The following ZNF44 variants were observed in gnomAD, a reference collection of about 807,000 sequenced individuals.
The protein encoded by ZNF44 is zinc finger protein 44.
ZNF44 carries 9 observed loss-of-function variants against 11.7 expected under a neutral mutation model. The observed-to-expected ratio is 0.77, with a 90% CI of 0.46 to 1.35. ZNF44 has a LOEUF of 1.35. Ranked by LOEUF, ZNF44 falls within the 40% of genes most tolerant of loss-of-function variation. ZNF44 has a pLI of 0.00. For missense variants in ZNF44, 696 were observed against 743.1 expected (o/e 0.94, Z 0.74); for synonymous variants, 224 against 242.7 (o/e 0.92, Z 0.72).
chr19:12,271,714 C>A (rs930008345), downstream of ZNF44: 1 of 152,152 alleles, frequency 6.6e-6, no homozygotes, highest in Non-Finnish European at 1.5e-5. Flanking sequence ...GTGATATATA[C>A]GATGTAGATA....
At chr19:12,269,285 G>A (rs1172490372), downstream of ZNF44, among the ~76,000 whole-genome samples, 1 of 152,176 alleles carries the variant, frequency 6.6e-6, no homozygotes, top group Non-Finnish European at 1.5e-5. Context: ...AGCACTTTGG[G>A]AGGCCAAGGC....
chr19:12,251,597 T>G (rs1916998860), intron 5 of ZNF44, among the ~76,000 whole-genome samples: 1 of 152,156 alleles, frequency 6.6e-6, no homozygotes, highest in African/African-American at 2.4e-5. Context: ...GCATGACAAC[T>G]TTAGATAAAA....
intron 5 of ZNF44, chr19:12,260,312 C>A: frequency 1.2e-6 from 1 of 868,476 alleles, no homozygotes; most frequent in Non-Finnish European, 1.9e-6. Context: ...TGGTGGTGGT[C>A]ACGAAGCAGA....
rs145891891 is a variant in ZNF44 at position 12,258,331 on chromosome 19, C to CAAA, written c.1913-7966_1913-7964dup. 2.9e-4 allele frequency among the ~76,000 whole-genome samples: 12 copies of CAAA among 41,018 alleles called. 1 individual carries two copies. Among genetic ancestry groups the CAAA allele is most frequent in the Non-Finnish European group, 3.9e-4 (9 of 23,002 alleles). The allele number at this position is 41,018 out of a possible 152,430, so 26.9% of individuals were successfully genotyped here. A position where few individuals can be genotyped will look rare whatever the true frequency, so the allele number is the denominator to read the frequency against. On this transcript the variant is annotated intron_variant and NMD_transcript_variant, in intron 5 of 7. Transcript: ENST00000393337. ...TGGGCAACAGAGTGAGATCTTGTCT[C>CAAA]AAAAAAAAAAAAAAAAAAAAAAAAA... is the stretch of plus-strand genomic sequence containing the variant.
At chr19:12,266,160 TG>T in intron 5 of ZNF44, 1 of 729,620 alleles carries the variant, frequency 1.4e-6, no homozygotes, top group Non-Finnish European at 1.7e-6. Context: ...AGCTGTGCCA[TG>T]GGGACTAGAG....
intron 1 of ZNF44, chr19:12,284,768 C>G (rs574832239): frequency 9.2e-6 from 9 of 979,262 alleles, no homozygotes; most frequent in East Asian, 2.6e-5. Flanking sequence ...GCGGGGCCAT[C>G]ATCCTGGCCA....
chr19:12,272,721 CTT>C lies in ZNF44; in HGVS notation c.1532_1533del (p.Lys511SerfsTer12). On this transcript the variant is annotated frameshift_variant, in exon 4 of 4. Transcript: ENST00000355684. LOFTEE classifies it low-confidence loss of function (END_TRUNC). ...EKSYECQICGKAFSRFSYLKT... is the reference protein window; with the variant it reads ...EKSYECQICGXAFSRFSYLKT... ...TTTAAGTAACTGAAACGACTGAAGG[CTT>C]TGCCACAAATTTGACACTCATAAGA... The C allele has an allele frequency of 6.2e-7, 1 of 1,613,592 alleles. No individual in the cohort carries two copies. Among genetic ancestry groups the C allele is most frequent in the South Asian group, 1.1e-5 (1 of 91,068 alleles).
chr19:12,242,897 A>G (rs888909064), downstream of ZNF44: 1 of 152,114 alleles, frequency 6.6e-6, no homozygotes, highest in Non-Finnish European at 1.5e-5. Flanking sequence ...ACTAGAAAGG[A>G]AAACAACAAT....
chr19:12,258,334 A>C (rs1373376421), intron 5 of ZNF44, among the ~76,000 whole-genome samples: 2 of 72,798 alleles, frequency 2.7e-5, no homozygotes, highest in Non-Finnish European at 5.6e-5. Context: ...CTTGTCTCAA[A>C]AAAAAAAAAA....
chr19:12,247,382 CAT>C (rs1916797774), downstream of ZNF44: 1 of 1,303,352 alleles, frequency 7.7e-7, no homozygotes. Flanking sequence ...TGTGCATTCT[CAT>C]GTGCACTCGA....
intron 1 of ZNF44, among the ~76,000 whole-genome samples, chr19:12,281,849 T>G (rs543543082): frequency 6.6e-6 from 1 of 152,258 alleles, no homozygotes; most frequent in Admixed American, 6.5e-5. Context: ...CTAAGTAATA[T>G]GAATAGGCCT....
rs183325705 is a variant in ZNF44, at chr19:12,276,928, C to T, written c.4-846G>A. Reference sequence around the variant, plus strand: ...TGCCCTGTACCACCCAGGGACTCTACAGAGTCCCCATCAGCAAGAAGATTC... The same window carrying T: ...TGCCCTGTACCACCCAGGGACTCTATAGAGTCCCCATCAGCAAGAAGATTC... On this transcript the variant is annotated intron_variant, in intron 1 of 3. Transcript: ENST00000355684. Among the ~76,000 whole-genome samples, 3 of 152,274 alleles carry T rather than the reference C, an allele frequency of 2.0e-5. No individual in the cohort carries two copies. In the East Asian group the frequency reaches 5.8e-4, roughly 29 times the overall value.
chr19:12,273,506 TC>T lies in ZNF44; in HGVS notation c.748del (p.Glu250ArgfsTer20). 6.2e-7 allele frequency: 1 copy of T among 1,614,148 alleles called. No individual in the cohort carries two copies. The highest frequency in any genetic ancestry group is 2.2e-5 in the East Asian group (1 of 44,854). ...ACACTGCTTACATTCATACGGTTTC[TC>T]CCCAGTGTGTATTTTTTCATGTCTT... ...YLRHEKIHTG[E>X]KPYECKQCSK... is the part of the protein sequence containing the mutation. On this transcript the variant is annotated frameshift_variant, in exon 4 of 4. Transcript: ENST00000355684. LOFTEE classifies it low-confidence loss of function (END_TRUNC).
At chr19:12,289,075 T>G (rs1471018780) in intron 1 of ZNF44, among the ~76,000 whole-genome samples, 1 of 151,640 alleles carries the variant, frequency 6.6e-6, no homozygotes, top group Non-Finnish European at 1.5e-5. Flanking sequence ...GAGGCTGAAG[T>G]GGGTGGATCT....
chr19:12,226,915 A>C (rs1915941817), intron 3 of ZNF44, among the ~76,000 whole-genome samples: 1 of 152,110 alleles, frequency 6.6e-6, no homozygotes, highest in South Asian at 2.1e-4. Flanking sequence ...AAAATACAAA[A>C]ATTAGCCGGG....
At position 12,293,425 on chromosome 19, in the gene ZNF44, T is replaced by C. The variant is rs1217379446; in HGVS notation, c.3+1267A>G. On this transcript the variant is annotated intron_variant, in intron 1 of 3. Coordinates refer to ENST00000355684, the MANE Select transcript of ZNF44 (RefSeq NM_016264.4). ...AGGTCACATCACCCTGTAAAGGACA[T>C]ACTGAGAAGGCATCTGTGCCTAGGG... 8.7e-6 allele frequency: 13 copies of C among 1,497,230 alleles called. No homozygotes were observed. The East Asian group carries it at 2.2e-4, about 26-fold the overall frequency. The allele number at this position is 1,497,230 out of a possible 1,614,324, so 92.7% of individuals were successfully genotyped here.
chr19:12,242,667 CAAAAAAAAAA>C (rs35818337), downstream of ZNF44: 1 of 91,918 alleles, frequency 1.1e-5, no homozygotes, highest in African/African-American at 4.6e-5. Flanking sequence ...CTTGTCTCTC[CAAAAAAAAAA>C]AAAAAAAAAA....
At chr19:12,263,478 T>C (rs750510341) in intron 5 of ZNF44, among the ~76,000 whole-genome samples, 4 of 151,952 alleles carry the variant, frequency 2.6e-5, no homozygotes, top group Non-Finnish European at 4.4e-5. Context: ...GCAGCAACAC[T>C]GGGGATGCAA....
At chr19:12,278,778 C>T (rs1967341182) in intron 1 of ZNF44, among the ~76,000 whole-genome samples, 1 of 151,186 alleles carries the variant, frequency 6.6e-6, no homozygotes, top group South Asian at 2.1e-4. Context: ...GGAGAAAAGG[C>T]TAGGGTATAA....
Sources: allele counts gnomAD v4.1 joint callset (sites outside exome capture counted in the v4.1 genomes callset), GRCh38; gene constraint gnomAD v4.1.1; transcripts MANE v1.5; gene names NCBI Gene and HGNC (gene_info 2026-07-23, HGNC 2026-07-21).